FSD2: variants seen among roughly 807,000 people sequenced by gnomAD.
The protein encoded by FSD2 is fibronectin type III and SPRY domain-containing protein 2.
Under a neutral mutation model 80.4 loss-of-function variants are expected in FSD2, and 71 were observed. That is an observed-to-expected ratio of 0.88 (90% CI 0.73 to 1.08). The LOEUF is 1.08. Among genes scored for constraint, FSD2 ranks in the 50% least tolerant of loss-of-function variants. The pLI is 0.00. For synonymous variants in FSD2, 361 were observed against 329.5 expected, an observed-to-expected ratio of 1.10 and a Z score of -1.03; for missense variants, 923 against 913.8, an observed-to-expected ratio of 1.01 and a Z score of -0.13.
At chr15:82,784,255 A>ATTTTATTTTT (rs1037537645) in intron 3 of FSD2, among the ~76,000 whole-genome samples, 1 of 150,074 alleles carries the variant, frequency 6.7e-6, no homozygotes. Context: ...ATTTTATTTT[A>ATTTTATTTTT]TTTTTTTTTT....
At chr15:82,802,122 C>G (rs1363561212) in intron 1 of FSD2, among the ~76,000 whole-genome samples, 1 of 152,174 alleles carries the variant, frequency 6.6e-6, no homozygotes, top group Non-Finnish European at 1.5e-5. Context: ...CTGGCTCATC[C>G]TCACTAATGC....
At position 82,765,277 on chromosome 15, in the gene FSD2, T is replaced by C. The variant is rs766971483; in HGVS notation, c.1709A>G (p.Lys570Arg). The C allele has an allele frequency of 1.2e-6, 2 of 1,613,210 alleles. No individual in the cohort carries two copies. Among genetic ancestry groups the C allele is most frequent in the East Asian group, 2.2e-5 (1 of 44,838 alleles). The change falls in exon 11 of 13, where the codon AAG (lysine) becomes AGG (arginine). Residue 570 changes from lysine (K) to arginine (R), a missense_variant. Lys to Arg is a conservative substitution (Grantham distance 26, BLOSUM62 2). Coordinates refer to ENST00000334574, the MANE Select transcript of FSD2 (RefSeq NM_001007122.4). The part of the protein sequence containing the change: ...HTIGSYFRLN[K>R]DTCHPWLTIS... The stretch of plus-strand genomic sequence containing the variant: ...GGTCAGCCAGGGATGGCAAGTGTCC[T>C]TGTTTAGGCGAAAGTAGCTTCCTGT...
intron 11 of FSD2, among the ~76,000 whole-genome samples, chr15:82,763,022 C>T (rs1451053303): frequency 6.6e-6 from 1 of 152,114 alleles, no homozygotes; most frequent in Non-Finnish European, 1.5e-5. Context: ...CTTTCAAAAC[C>T]CCAAGTTCTT....
chr15:82,769,838 A>G lies in FSD2; in HGVS notation c.1314T>C (p.Leu438=). The G allele has an allele frequency of 6.2e-7, 1 of 1,613,986 alleles. No homozygotes were observed. The highest frequency in any genetic ancestry group is 8.5e-7 in the Non-Finnish European group (1 of 1,179,900). Residue 438 remains leucine (L), a synonymous_variant, in exon 8 of 13, where the codon CTT becomes CTC. Coordinates refer to ENST00000334574, the MANE Select transcript of FSD2 (RefSeq NM_001007122.4). ...VKETYCSVTN[L]VPNTQYEFWV... ...AAAATTCATACTGGGTATTTGGCAC[A>G]AGGTTTGTCACTGAGCAATATGTTT...
intron 1 of FSD2, 109 bp from the exon 2 acceptor site, chr15:82,787,577 G>T (rs2151522055): frequency 2.0e-6 from 1 of 505,896 alleles, no homozygotes; most frequent in African/African-American, 1.9e-5. Context: ...TATCTGTGTA[G>T]TTCAGTCGTG....
chr15:82,784,913 CAG>C (rs2049959243), intron 3 of FSD2, among the ~76,000 whole-genome samples: 1 of 152,182 alleles, frequency 6.6e-6, no homozygotes, highest in African/African-American at 2.4e-5. Context: ...AGGGCACACA[CAG>C]GGGACTGTGG....
At position 82,756,146 on chromosome 15, in the gene FSD2, A is replaced by G. The variant is rs1230885316; in HGVS notation, c.*3202T>C. ...ATAGATGAGAAAACTGGAGAAAGAC[A>G]TAGTGAACATGTGAGAATCTTGCTC... On this transcript the variant is annotated 3_prime_UTR_variant, in exon 13 of 13. Transcript: ENST00000334574. 1 of 344,492 alleles carries G rather than the reference A, an allele frequency of 2.9e-6. No individual in the cohort carries two copies. The highest frequency in any genetic ancestry group is 2.1e-5 in the African/African-American group (1 of 47,266). 21.3% of individuals were successfully genotyped at this position (344,492 alleles called of 1,614,324 possible).
At position 82,756,059 on chromosome 15, in the gene FSD2, T is replaced by G. The variant is rs1466267462; in HGVS notation, c.*3289A>C. 8.1e-6 allele frequency: 4 copies of G among 493,396 alleles called. No individual in the cohort carries two copies. The highest frequency in any genetic ancestry group is 6.0e-5 in the South Asian group (4 of 67,116). 30.6% of individuals were successfully genotyped at this position (493,396 alleles called of 1,614,324 possible). A position where few individuals can be genotyped will look rare whatever the true frequency, so the allele number is the denominator to read the frequency against. ...GCAAAATAAATTCAAGACCTACTTA[T>G]CTACCAACAGCAATTACACGCTTTC... is the stretch of plus-strand genomic sequence containing the variant. On this transcript the variant is annotated 3_prime_UTR_variant, in exon 13 of 13. Transcript: ENST00000334574.
At chr15:82,785,526 G>GTT (rs2049974460) in intron 3 of FSD2, among the ~76,000 whole-genome samples, 1 of 152,128 alleles carries the variant, frequency 6.6e-6, no homozygotes, top group African/African-American at 2.4e-5. Flanking sequence ...ATTTCACCAT[G>GTT]TTGGCCAGTC....
intron 1 of FSD2, among the ~76,000 whole-genome samples, chr15:82,799,500 T>C (rs1242862486): frequency 4.6e-5 from 7 of 152,224 alleles, no homozygotes; most frequent in African/African-American, 1.7e-4. Flanking sequence ...TCCAAATCCA[T>C]GTCTCTGGCT....
chr15:82,759,959 A>C (rs2049253121), intron 12 of FSD2, among the ~76,000 whole-genome samples: 1 of 146,704 alleles, frequency 6.8e-6, no homozygotes, highest in African/African-American at 2.4e-5. Flanking sequence ...AAGCCCGGCT[A>C]ATTTTTGTAT....
At position 82,767,458 on chromosome 15, in the gene FSD2, T is replaced by C. The variant is rs114439006; in HGVS notation, c.1553+1422A>G. Among the ~76,000 whole-genome samples the C allele has an allele frequency of 7.6e-3, 1,162 of 152,218 alleles. 15 individuals carry two copies. Among genetic ancestry groups the C allele is most frequent in the African/African-American group, 0.025 (1,048 of 41,524 alleles). ...GGAGGGGAGCTGGTGTGGGAGGAGCTGGAGAGGCAGGAAGGGGCCAGAGCC... is the reference window on the plus strand; with the variant it reads ...GGAGGGGAGCTGGTGTGGGAGGAGCCGGAGAGGCAGGAAGGGGCCAGAGCC... On this transcript the variant is annotated intron_variant, in intron 9 of 12. Coordinates refer to ENST00000334574, the MANE Select transcript of FSD2 (RefSeq NM_001007122.4).
intron 1 of FSD2, among the ~76,000 whole-genome samples, chr15:82,795,907 C>CT (rs1002330225): frequency 4.6e-5 from 7 of 151,456 alleles, no homozygotes; most frequent in Non-Finnish European, 7.4e-5. Flanking sequence ...AAAGGATACT[C>CT]TAAGACTGAG....
At chr15:82,788,290 G>T (rs1185924069) in intron 1 of FSD2, among the ~76,000 whole-genome samples, 1 of 149,324 alleles carries the variant, frequency 6.7e-6, no homozygotes, top group African/African-American at 2.5e-5. Context: ...GAGCTCAGGA[G>T]TTCGAGATCG....
At chr15:82,762,716 C>G (rs1567298017) in intron 11 of FSD2, among the ~76,000 whole-genome samples, 1 of 152,194 alleles carries the variant, frequency 6.6e-6, no homozygotes, top group Non-Finnish European at 1.5e-5. Context: ...TTAGGGATGA[C>G]TCCTGGTGGA....
At chr15:82,789,354 T>TATAATAATAATAATAATAATA (rs35989908) in intron 1 of FSD2, among the ~76,000 whole-genome samples, 4 of 148,890 alleles carry the variant, frequency 2.7e-5, no homozygotes, top group East Asian at 2.0e-4. Context: ...TCTAGAAGGA[T>TATAATAATAATAATAATAATA]ATAATAATAA....
Position 82,758,566 on chromosome 15 carries a change from G to A in FSD2, c.*782C>T, listed in dbSNP as rs2049218879. On this transcript the variant is annotated 3_prime_UTR_variant, in exon 13 of 13. Transcript: ENST00000334574. ...CCCATTTCTTGGCCATAGGTCCTTT[G>A]CTGTAGTTTTGAAAGAGCCCTGCCA... 1 of 153,178 alleles carries A rather than the reference G, an allele frequency of 6.5e-6. No individual in the cohort carries two copies. The highest frequency in any genetic ancestry group is 2.1e-4 in the South Asian group (1 of 4,832). The allele number at this position is 153,178 out of a possible 1,614,324, so 9.5% of individuals were successfully genotyped here.
chr15:82,762,401 T>A, intron 11 of FSD2, 123 bp from the exon 12 acceptor site: 1 of 801,428 alleles, frequency 1.2e-6, no homozygotes, highest in Non-Finnish European at 1.9e-6. Flanking sequence ...TAGGTGCTTC[T>A]GGACACTTAA....
chr15:82,788,083 A>G (rs1174112707), intron 1 of FSD2, among the ~76,000 whole-genome samples: 4 of 152,164 alleles, frequency 2.6e-5, no homozygotes, highest in African/African-American at 4.8e-5. Flanking sequence ...TTTAAATTGT[A>G]TAAATTAATT....
Sources: gnomAD v4.1 joint callset for allele counts (sites outside exome capture counted in the v4.1 genomes callset) on GRCh38, gnomAD v4.1.1 for gene constraint, MANE v1.5 for transcripts, NCBI Gene and HGNC (gene_info 2026-07-23, HGNC 2026-07-21) for gene names.